Variants in GRIN3A observed in about 807,000 individuals in gnomAD.
GRIN3A encodes the protein glutamate ionotropic receptor NMDA type subunit 3A, also known as glutamate receptor ionotropic, NMDA 3A.
A neutral mutation model predicts 92.4 loss-of-function variants in GRIN3A; 47 were observed. The observed-to-expected ratio is 0.51, with a 90% CI of 0.40 to 0.65. GRIN3A has a LOEUF of 0.65. Ranked by LOEUF, GRIN3A falls within the 30% of genes least tolerant of loss-of-function variation. The probability of loss-of-function intolerance (pLI) is 0.00; values close to 1 mark genes in which losing one functional copy is unlikely to be tolerated. For missense variants in GRIN3A, 1,324 were observed against 1,393.1 expected, an observed-to-expected ratio of 0.95 and a Z score of 0.79; for synonymous variants, 527 against 540.6, an observed-to-expected ratio of 0.97 and a Z score of 0.35.
At chr9:101,650,594 T>G (rs79343568) in intron 3 of GRIN3A, among the ~76,000 whole-genome samples, 11,094 of 152,082 alleles carry the variant, frequency 0.073, 574 homozygotes, top group East Asian at 0.25. Flanking sequence ...CTGGCAAAAC[T>G]TGTGAGCTAT....
rs369373527 is a variant in GRIN3A at position 101,670,956 on chromosome 9, C to A, written c.1456G>T (p.Gly486Trp). 1.2e-6 allele frequency: 2 copies of A among 1,613,990 alleles called. No individual in the cohort carries two copies. Among genetic ancestry groups the A allele is most frequent in the Middle Eastern group, 1.7e-4 (1 of 6,058 alleles). ...PMWTRLGSWQ[G>W]GKIVMDYGIW... is the part of the protein sequence containing the mutation. ...CCATAGTCCATGACAATCTTTCCCCCCTGCCAGCTGCCCAAGCGGGTCCAC... is the reference window on the plus strand; with the variant it reads ...CCATAGTCCATGACAATCTTTCCCCACTGCCAGCTGCCCAAGCGGGTCCAC... Residue 486 changes from glycine (G) to tryptophan (W), a missense_variant, in exon 3 of 9, where the codon GGG (glycine) becomes TGG (tryptophan). Physicochemically the swap from Gly to Trp is radical, Grantham distance 184. Transcript: ENST00000361820.
intron 4 of GRIN3A, among the ~76,000 whole-genome samples, chr9:101,625,626 T>G (rs1444860693): frequency 1.3e-5 from 2 of 152,322 alleles, no homozygotes; most frequent in African/African-American, 2.4e-5. Context: ...AGGCCCAAAT[T>G]TAACTTTAAC....
At chr9:101,617,647 G>T (rs895659036) in intron 5 of GRIN3A, among the ~76,000 whole-genome samples, 4 of 151,288 alleles carry the variant, frequency 2.6e-5, no homozygotes, top group Non-Finnish European at 4.4e-5. Context: ...GTGTGTGTGT[G>T]TTTTTCTTTT....
intron 3 of GRIN3A, among the ~76,000 whole-genome samples, chr9:101,631,357 A>G (rs1828707935): frequency 6.6e-6 from 1 of 152,198 alleles, no homozygotes; most frequent in Non-Finnish European, 1.5e-5. Flanking sequence ...CTTTCTAAAC[A>G]AACCCTCTCT....
At chr9:101,658,407 T>C (rs1486371688) in intron 3 of GRIN3A, among the ~76,000 whole-genome samples, 1 of 151,980 alleles carries the variant, frequency 6.6e-6, no homozygotes, top group Non-Finnish European at 1.5e-5. Flanking sequence ...TGATGGTTAA[T>C]CATCATTTAA....
chr9:101,626,159 T>C (rs1421435422), intron 4 of GRIN3A, among the ~76,000 whole-genome samples: 1 of 152,206 alleles, frequency 6.6e-6, no homozygotes, highest in Non-Finnish European at 1.5e-5. Flanking sequence ...CCCCCAATGG[T>C]TATTTCTATT....
At chr9:101,588,938 A>C (rs1252939724) in intron 6 of GRIN3A, among the ~76,000 whole-genome samples, 1 of 152,022 alleles carries the variant, frequency 6.6e-6, no homozygotes, top group African/African-American at 2.4e-5. Context: ...TATATACGAC[A>C]AATATTGCTA....
At chr9:101,732,743 A>T (rs1356708221) in intron 1 of GRIN3A, among the ~76,000 whole-genome samples, 2 of 152,134 alleles carry the variant, frequency 1.3e-5, no homozygotes, top group African/African-American at 4.8e-5. Flanking sequence ...AATGACCAAC[A>T]CCTCTCCACT....
At chr9:101,727,167 G>T (rs1830090396) in intron 1 of GRIN3A, among the ~76,000 whole-genome samples, 2 of 152,084 alleles carry the variant, frequency 1.3e-5, no homozygotes, top group South Asian at 4.1e-4. Context: ...AACAGCAAGG[G>T]CTAGGTAAAC....
intron 1 of GRIN3A, among the ~76,000 whole-genome samples, chr9:101,695,318 C>T (rs181922143): frequency 1.3e-5 from 2 of 152,168 alleles, no homozygotes; most frequent in East Asian, 1.9e-4. Flanking sequence ...ATAATCAATA[C>T]GGTCTTTTCT....
intron 8 of GRIN3A, among the ~76,000 whole-genome samples, chr9:101,575,939 GTAATA>G (rs531831918): frequency 1.3e-5 from 2 of 152,170 alleles, no homozygotes; most frequent in African/African-American, 2.4e-5. Context: ...TATCTATCTG[GTAATA>G]TAATATAGAA....
intron 1 of GRIN3A, among the ~76,000 whole-genome samples, chr9:101,713,142 C>A (rs1349431033): frequency 6.6e-6 from 1 of 152,200 alleles, no homozygotes; most frequent in Admixed American, 6.5e-5. Context: ...ACTGCATGGG[C>A]TCTGCTTTCT....
chr9:101,570,690 T>G lies in GRIN3A; in HGVS notation c.*2484A>C, dbSNP rs1009482623. 2 of 152,562 alleles carry G rather than the reference T, an allele frequency of 1.3e-5. No individual in the cohort carries two copies. Among genetic ancestry groups the G allele is most frequent in the Non-Finnish European group, 2.9e-5 (2 of 68,036 alleles). 9.5% of individuals were successfully genotyped at this position (152,562 alleles called of 1,614,324 possible). A position where few individuals can be genotyped will look rare whatever the true frequency, so the allele number is the denominator to read the frequency against. ...GAGCGTGCATTGGTCATCTACTTTG[T>G]GGATAGGCAGGGCGATCTGGCATGT... On this transcript the variant is annotated 3_prime_UTR_variant, in exon 9 of 9. Transcript: ENST00000361820.
At chr9:101,630,891 G>A (rs1351272860) in intron 3 of GRIN3A, among the ~76,000 whole-genome samples, 1 of 152,160 alleles carries the variant, frequency 6.6e-6, no homozygotes, top group Non-Finnish European at 1.5e-5. Context: ...GCACCTTGCA[G>A]GTAGTCTATA....
intron 3 of GRIN3A, among the ~76,000 whole-genome samples, chr9:101,654,399 C>G (rs1199199305): frequency 1.3e-5 from 2 of 151,224 alleles, no homozygotes; most frequent in African/African-American, 2.4e-5. Context: ...TATACAAATA[C>G]TCTATGTTAT....
At chr9:101,578,631 T>G (rs1243478566) in intron 7 of GRIN3A, among the ~76,000 whole-genome samples, 1 of 152,214 alleles carries the variant, frequency 6.6e-6, no homozygotes, top group Non-Finnish European at 1.5e-5. Flanking sequence ...CAGGGAGAGA[T>G]ATGCAAACGA....
chr9:101,651,717 T>G (rs1432429287), intron 3 of GRIN3A, among the ~76,000 whole-genome samples: 1 of 151,798 alleles, frequency 6.6e-6, no homozygotes, highest in Non-Finnish European at 1.5e-5. Flanking sequence ...GGAGGGTTAT[T>G]ATAAGTCTGT....
intron 3 of GRIN3A, among the ~76,000 whole-genome samples, chr9:101,638,698 G>T (rs1047340196): frequency 1.3e-5 from 2 of 152,180 alleles, no homozygotes; most frequent in Non-Finnish European, 2.9e-5. Context: ...CCTTAGAATA[G>T]CTAACCAACT....
chr9:101,664,931 A>G (rs1588272944), intron 3 of GRIN3A, among the ~76,000 whole-genome samples: 1 of 152,096 alleles, frequency 6.6e-6, no homozygotes, highest in Admixed American at 6.6e-5. Flanking sequence ...ACTTGCAGAC[A>G]GACGGTGTAT....
Sources: gnomAD v4.1 joint callset for allele counts (sites outside exome capture counted in the v4.1 genomes callset) on GRCh38, gnomAD v4.1.1 for gene constraint, MANE v1.5 for transcripts, NCBI Gene and HGNC (gene_info 2026-07-23, HGNC 2026-07-21) for gene names.